The following NINL variants were observed in gnomAD, a reference collection of about 807,000 sequenced individuals.
The protein encoded by NINL is ninein like, also known as ninein-like protein.
In NINL, 153 loss-of-function variants were observed where a neutral mutation model predicts 160.3. That is an observed-to-expected ratio of 0.95 (90% CI 0.84 to 1.09). NINL has a LOEUF of 1.09. Among genes scored for constraint, NINL ranks in the 50% least tolerant of loss-of-function variants. NINL has a pLI of 0.00. For synonymous variants in NINL, 800 were observed against 734.8 expected, an observed-to-expected ratio of 1.09 and a Z score of -1.43; for missense variants, 1,829 against 1,764.0, an observed-to-expected ratio of 1.04 and a Z score of -0.66.
chr20:25,561,281 C>T (rs1000328489), intron 1 of NINL, among the ~76,000 whole-genome samples: 4 of 152,176 alleles, frequency 2.6e-5, no homozygotes, highest in East Asian at 1.9e-4. Flanking sequence ...GCGAGTGATC[C>T]GCCAGCCTCG....
At chr20:25,550,335 C>A (rs188042540) in intron 1 of NINL, among the ~76,000 whole-genome samples, 1 of 152,370 alleles carries the variant, frequency 6.6e-6, no homozygotes, top group East Asian at 1.9e-4. Flanking sequence ...GACTGTGCCC[C>A]TGCATGATGA....
In NINL at chr20:25,564,650, A is replaced by C. The variant is rs575924451; in HGVS notation, c.-12+20805T>G. On this transcript the variant is annotated intron_variant, in intron 1 of 23. Transcript: ENST00000278886. ...GTATTTTTAGTAGACACGGGGTTTC[A>C]CCATGTTGGCCAGGCTGGTCTTGAA... Among the ~76,000 whole-genome samples, 83 of 151,838 alleles carry C rather than the reference A, an allele frequency of 5.5e-4. 1 individual carries two copies. Among genetic ancestry groups the C allele is most frequent in the Non-Finnish European group, 3.8e-4 (26 of 67,964 alleles).
intron 5 of NINL, among the ~76,000 whole-genome samples, chr20:25,507,477 G>C (rs2063985370): frequency 6.6e-6 from 1 of 152,178 alleles, no homozygotes; most frequent in African/African-American, 2.4e-5. Context: ...TATATGTCCA[G>C]CCAGACATGT....
At chr20:25,495,827 G>C (rs1432805578) in intron 10 of NINL, among the ~76,000 whole-genome samples, 1 of 152,190 alleles carries the variant, frequency 6.6e-6, no homozygotes, top group Non-Finnish European at 1.5e-5. Context: ...AACCAGTGCG[G>C]TGGTTGTATC....
intron 1 of NINL, among the ~76,000 whole-genome samples, chr20:25,573,573 C>T (rs78523654): frequency 8.3e-4 from 126 of 152,238 alleles, no homozygotes; most frequent in African/African-American, 2.7e-3. Flanking sequence ...AGTGTCAACA[C>T]CAACAATTCA....
Position 25,458,490 on chromosome 20 carries a change from G to T in NINL, c.3736C>A (p.Gln1246Lys). The T allele has an allele frequency of 1.2e-6, 2 of 1,601,268 alleles. No individual in the cohort carries two copies. The highest frequency in any genetic ancestry group is 1.7e-6 in the Non-Finnish European group (2 of 1,179,608). The stretch of plus-strand genomic sequence containing the variant: ...ACCAGCCGGACCTCCTGCAAGTGCT[G>T]GGCCTGGGCCTGCCTCAGCCTCAGG... ...AHLRLRQAQAQHLQEVRLVPQ... is the reference protein window; with the variant it reads ...AHLRLRQAQAKHLQEVRLVPQ... The change falls in exon 22 of 24, where the codon CAG becomes AAG. Residue 1246 changes from glutamine (Q) to lysine (K), a missense_variant. Gln to Lys is a moderately conservative substitution (Grantham distance 53). Transcript: ENST00000278886.
chr20:25,578,637 G>GA lies in NINL; in HGVS notation c.-12+6817dup, dbSNP rs1161436788. On this transcript the variant is annotated intron_variant, in intron 1 of 23. Coordinates refer to ENST00000278886, the MANE Select transcript of NINL (RefSeq NM_025176.6). ...TGAAACCCCGTCTCTACTAAAAATA[G>GA]AAAAAATTAGCCGGGCATGGTGGCG... Among the ~76,000 whole-genome samples, 4 of 151,410 alleles carry GA rather than the reference G, an allele frequency of 2.6e-5. No homozygotes were observed. The East Asian group carries it at 5.9e-4, about 22-fold the overall frequency.
At chr20:25,551,580 C>A (rs917533779) in intron 1 of NINL, among the ~76,000 whole-genome samples, 1 of 151,390 alleles carries the variant, frequency 6.6e-6, no homozygotes, top group Admixed American at 6.6e-5. Context: ...TCTGCTTTTC[C>A]AAAGAGGATG....
intron 1 of NINL, among the ~76,000 whole-genome samples, chr20:25,567,839 C>T (rs6083882): frequency 0.97 from 147,709 of 152,090 alleles, 71,867 homozygotes; most frequent in Non-Finnish European, 1. Flanking sequence ...CAATAATCCA[C>T]TGGTCAAAGA....
rs575799573 is a variant in NINL, at chr20:25,568,566, GC to G, written c.-12+16888del. Among the ~76,000 whole-genome samples the G allele has an allele frequency of 7.9e-5, 12 of 151,846 alleles. No individual in the cohort carries two copies. In the East Asian group the frequency reaches 2.4e-3, roughly 30 times the overall value. ...TGTGACTACAGGCACGTGCCACCAT[GC>G]CTGGCTTATTTTTTAAATTTTTTTG... is the stretch of plus-strand genomic sequence containing the variant. On this transcript the variant is annotated intron_variant, in intron 1 of 23. Coordinates refer to ENST00000278886, the MANE Select transcript of NINL (RefSeq NM_025176.6).
chr20:25,491,595 C>A, intron 10 of NINL, 70 bp from the exon 11 acceptor site: 1 of 1,542,680 alleles, frequency 6.5e-7, no homozygotes, highest in Non-Finnish European at 8.8e-7. Flanking sequence ...CCACCCCCTT[C>A]CTAGCCTCCT....
chr20:25,543,040 C>CAAA (rs11480769), intron 1 of NINL, among the ~76,000 whole-genome samples: 5,154 of 130,484 alleles, frequency 0.039, 160 homozygotes, highest in Non-Finnish European at 0.061. Flanking sequence ...ACTCCGTCTT[C>CAAA]AAAAAAAAAA....
chr20:25,561,365 G>A (rs1381689682), intron 1 of NINL, among the ~76,000 whole-genome samples: 1 of 152,206 alleles, frequency 6.6e-6, no homozygotes, highest in Non-Finnish European at 1.5e-5. Context: ...CTGGAGTGCA[G>A]TGGTGTGATC....
At chr20:25,543,928 A>C (rs969149089) in intron 1 of NINL, among the ~76,000 whole-genome samples, 1 of 150,052 alleles carries the variant, frequency 6.7e-6, no homozygotes, top group Non-Finnish European at 1.5e-5. Flanking sequence ...AAGTGCTGGG[A>C]TTACAGGCGT....
chr20:25,480,762 C>G (rs930741472), intron 14 of NINL, among the ~76,000 whole-genome samples: 3 of 152,234 alleles, frequency 2.0e-5, no homozygotes, highest in African/African-American at 7.2e-5. Flanking sequence ...AGAGGCAGTT[C>G]TGGCACACTA....
chr20:25,546,759 T>C (rs951592335), intron 1 of NINL, among the ~76,000 whole-genome samples: 2 of 151,838 alleles, frequency 1.3e-5, no homozygotes, highest in African/African-American at 4.8e-5. Flanking sequence ...TCGGGAGAGA[T>C]ACAAACCCCA....
chr20:25,521,881 G>T (rs2064269536), intron 2 of NINL, among the ~76,000 whole-genome samples: 1 of 152,066 alleles, frequency 6.6e-6, no homozygotes, highest in South Asian at 2.1e-4. Context: ...GGGAAAATGG[G>T]CTTTTGTGTG....
intron 1 of NINL, among the ~76,000 whole-genome samples, chr20:25,559,226 G>A (rs997950540): frequency 3.3e-5 from 5 of 152,096 alleles, no homozygotes; most frequent in Admixed American, 1.3e-4. Flanking sequence ...TGCTCAGCTC[G>A]GGGAGCAGAG....
intron 1 of NINL, among the ~76,000 whole-genome samples, chr20:25,552,468 G>A (rs2064816884): frequency 6.6e-6 from 1 of 152,188 alleles, no homozygotes; most frequent in South Asian, 2.1e-4. Context: ...AAAAATAAAA[G>A]GTAACATAAT....
Sources: allele counts gnomAD v4.1 joint callset (sites outside exome capture counted in the v4.1 genomes callset), GRCh38; gene constraint gnomAD v4.1.1; transcripts MANE v1.5; gene names NCBI Gene and HGNC (gene_info 2026-07-23, HGNC 2026-07-21).